The following SCAMP5 variants were observed in gnomAD, a reference collection of about 807,000 sequenced individuals.
SCAMP5 encodes the protein secretory carrier membrane protein 5.
In SCAMP5, 7 loss-of-function variants were observed where a neutral mutation model predicts 28.3. The ratio of observed to expected loss-of-function variants is 0.25; its 90% CI spans 0.14 to 0.46. The LOEUF (loss-of-function observed/expected upper bound fraction) is 0.46. Among genes scored for constraint, SCAMP5 ranks in the 20% least tolerant of loss-of-function variants. The pLI, the probability that SCAMP5 is intolerant of heterozygous loss-of-function variation, is 0.99. For synonymous variants in SCAMP5, 117 were observed against 116.4 expected, an observed-to-expected ratio of 1.00 and a Z score of -0.03; for missense variants, 192 against 312.5, an observed-to-expected ratio of 0.61 and a Z score of 2.91.
intron 1 of SCAMP5, among the ~76,000 whole-genome samples, chr15:75,006,583 C>T (rs1398819585): frequency 2.6e-5 from 4 of 151,882 alleles, no homozygotes; most frequent in African/African-American, 9.7e-5. Context: ...GTCAAGAGAT[C>T]GAGACTATCC....
intron 3 of SCAMP5, 154 bp downstream of exon 3, chr15:75,012,959 C>G: frequency 1.4e-6 from 1 of 708,874 alleles, no homozygotes; most frequent in Non-Finnish European, 2.3e-6. Context: ...CTGCCAGGCT[C>G]CCAGAGGCTT....
rs1226710086 is a variant in SCAMP5, at chr15:75,021,438, A to G, written c.*2455A>G. 1 of 152,230 alleles carries G rather than the reference A, an allele frequency of 6.6e-6. No homozygotes were observed. Among genetic ancestry groups the G allele is most frequent in the Non-Finnish European group, 1.5e-5 (1 of 68,100 alleles). The allele number at this position is 152,230 out of a possible 1,614,324, so 9.4% of individuals were successfully genotyped here. A position where few individuals can be genotyped will look rare whatever the true frequency, so the allele number is the denominator to read the frequency against. On this transcript the variant is annotated 3_prime_UTR_variant, in exon 7 of 7. Transcript: ENST00000425597. ...GCTGGCAGTTGAGCTGCCTGAGCCA[A>G]TGTGTCTGTCTTTGGTAACTGAGTG...
rs1305919306 is a variant in SCAMP5 at position 74,996,685 on chromosome 15, G to T, written c.-49+1012G>T. On this transcript the variant is annotated intron_variant, in intron 1 of 6. Transcript: ENST00000425597. The surrounding 1 kb of genome is among the most constrained non-coding windows in gnomAD (Gnocchi z 4.1). Reference sequence around the variant, plus strand: ...CCATGTGACTGCCCATGGGGTGGTGGAGTCTGGAGAAATTTGCAACCTGTC... The same window carrying T: ...CCATGTGACTGCCCATGGGGTGGTGTAGTCTGGAGAAATTTGCAACCTGTC... Among the ~76,000 whole-genome samples, 2 of 152,306 alleles carry T rather than the reference G, an allele frequency of 1.3e-5. No homozygotes were observed. The highest frequency in any genetic ancestry group is 3.9e-4 in the East Asian group (2 of 5,186).
At chr15:75,011,022 G>A (rs1207871429) in intron 1 of SCAMP5, among the ~76,000 whole-genome samples, 1 of 152,066 alleles carries the variant, frequency 6.6e-6, no homozygotes, top group Non-Finnish European at 1.5e-5. Flanking sequence ...TGGGCGATAT[G>A]GCGAAACTTA....
At chr15:75,004,130 C>A (rs1334504812) in intron 1 of SCAMP5, among the ~76,000 whole-genome samples, 2 of 151,886 alleles carry the variant, frequency 1.3e-5, no homozygotes, top group Non-Finnish European at 2.9e-5. Context: ...TCTTGAACTC[C>A]CGACCTCAGG....
At chr15:75,001,395 T>C (rs1683645684) in intron 1 of SCAMP5, among the ~76,000 whole-genome samples, 1 of 152,002 alleles carries the variant, frequency 6.6e-6, no homozygotes, top group Non-Finnish European at 1.5e-5. Context: ...CCCAGAGTGC[T>C]CAGGCTGTGT....
chr15:75,005,210 C>G (rs1392390056), intron 1 of SCAMP5, among the ~76,000 whole-genome samples: 1 of 151,730 alleles, frequency 6.6e-6, no homozygotes, highest in Non-Finnish European at 1.5e-5. Flanking sequence ...GGCCTGTAAT[C>G]CCAGCACTTT....
intron 3 of SCAMP5, among the ~76,000 whole-genome samples, chr15:75,013,531 C>A (rs1381901952): frequency 6.6e-6 from 1 of 152,106 alleles, no homozygotes; most frequent in Admixed American, 6.5e-5. Context: ...AGACCCCTGT[C>A]TCTACAGAAA....
At chr15:75,005,834 C>T (rs562729144) in intron 1 of SCAMP5, among the ~76,000 whole-genome samples, 58 of 152,000 alleles carry the variant, frequency 3.8e-4, no homozygotes, top group African/African-American at 1.4e-3. Context: ...AAGCAATTCT[C>T]CTGCCTCAGC....
At chr15:75,004,207 T>G (rs1365158688) in intron 1 of SCAMP5, among the ~76,000 whole-genome samples, 1 of 152,020 alleles carries the variant, frequency 6.6e-6, no homozygotes, top group Non-Finnish European at 1.5e-5. Flanking sequence ...TCTGGCCTAT[T>G]TTTACTTTTT....
rs557993715 is a variant in SCAMP5 at position 75,005,786 on chromosome 15, G to A, written c.-48-6006G>A. 9.2e-5 allele frequency among the ~76,000 whole-genome samples: 14 copies of A among 152,086 alleles called. No homozygotes were observed. The East Asian group carries it at 9.7e-4, about 10-fold the overall frequency. On this transcript the variant is annotated intron_variant, in intron 1 of 6. Transcript: ENST00000425597. Reference sequence around the variant, plus strand: ...GTCGCCCAGGCTGGAGTGCAGTGGCGCGATCTCGTCTTACTGCAACCTCCG... The same window carrying A: ...GTCGCCCAGGCTGGAGTGCAGTGGCACGATCTCGTCTTACTGCAACCTCCG...
chr15:75,011,774 G>A lies in SCAMP5; in HGVS notation c.-48-18G>A, dbSNP rs1204625630. 3 of 1,497,142 alleles carry A rather than the reference G, an allele frequency of 2.0e-6. No individual in the cohort carries two copies. The highest frequency in any genetic ancestry group is 1.4e-5 in the African/African-American group (1 of 72,660). The allele number at this position is 1,497,142 out of a possible 1,614,324, so 92.7% of individuals were successfully genotyped here. On this transcript the variant is annotated intron_variant, in intron 1 of 6. Transcript: ENST00000425597. The stretch of plus-strand genomic sequence containing the variant: ...GTGGCCCTGATCTCATCCTTCTCTG[G>A]CTTTTCTTTCCTTGCAGTTCAGGAC...
chr15:75,011,691 G>T, intron 1 of SCAMP5, 101 bp from the exon 2 acceptor site: 2 of 540,964 alleles, frequency 3.7e-6, no homozygotes, highest in South Asian at 2.9e-5. Context: ...GTATGTGCTG[G>T]GTCCTGTCCT....
At chr15:75,014,989 C>A (rs1221860046) in intron 3 of SCAMP5, among the ~76,000 whole-genome samples, 1 of 152,084 alleles carries the variant, frequency 6.6e-6, no homozygotes, top group East Asian at 1.9e-4. Flanking sequence ...CCATGAGGGG[C>A]CCTGAGATGG....
intron 1 of SCAMP5, among the ~76,000 whole-genome samples, chr15:75,005,527 A>G (rs1241685122): frequency 2.0e-5 from 3 of 151,356 alleles, no homozygotes; most frequent in Non-Finnish European, 4.4e-5. Context: ...TTTTGTCTCC[A>G]TTAATTTAGA....
rs923308611 is a variant in SCAMP5 at position 75,005,871 on chromosome 15, C to T, written c.-48-5921C>T. 2.0e-5 allele frequency among the ~76,000 whole-genome samples: 3 copies of T among 151,320 alleles called. No homozygotes were observed. The South Asian group carries it at 6.3e-4, about 32-fold the overall frequency. On this transcript the variant is annotated intron_variant, in intron 1 of 6. Transcript: ENST00000425597. ...TCCCGAGTAGTTGGGACTACAAGCA[C>T]GTGCTACCATGCCTGGTTATTTTTT...
chr15:75,013,196 G>T, intron 3 of SCAMP5: 1 of 173,498 alleles, frequency 5.8e-6, no homozygotes, highest in Admixed American at 6.1e-5. Context: ...GATTTGGAGA[G>T]GAATCCTTCC....
At chr15:75,011,890 C>A in intron 2 of SCAMP5, 44 bp downstream of exon 2, 1 of 1,572,352 alleles carries the variant, frequency 6.4e-7, no homozygotes, top group Non-Finnish European at 8.7e-7. Flanking sequence ...TGACAGTGAG[C>A]ATAGCGTGGA....
intron 1 of SCAMP5, among the ~76,000 whole-genome samples, chr15:75,005,941 G>A (rs2065753556): frequency 6.7e-6 from 1 of 148,574 alleles, no homozygotes. Flanking sequence ...GGCCAGGCTG[G>A]TCTGGAACTC....
Sources: gnomAD v4.1 joint callset for allele counts (sites outside exome capture counted in the v4.1 genomes callset) on GRCh38, gnomAD v4.1.1 for gene constraint, Gnocchi (gnomAD v3.1) non-coding constraint, MANE v1.5 for transcripts, NCBI Gene and HGNC (gene_info 2026-07-23, HGNC 2026-07-21) for gene names.